The following SLC44A5 variants were observed in gnomAD, a reference collection of about 807,000 sequenced individuals.
SLC44A5 encodes the protein solute carrier family 44 member 5.
Under a neutral mutation model 101.8 loss-of-function variants are expected in SLC44A5, and 57 were observed. The observed-to-expected ratio is 0.56, with a 90% confidence interval of 0.45 to 0.70. The LOEUF (loss-of-function observed/expected upper bound fraction) is 0.70, where lower values mean the gene tolerates loss of function less well. Ranked by LOEUF, SLC44A5 falls within the 30% of genes least tolerant of loss-of-function variation. The pLI, the probability that SLC44A5 is intolerant of heterozygous loss-of-function variation, is 0.00. For missense variants in SLC44A5, 737 were observed against 853.1 expected (o/e 0.86, Z 1.70); for synonymous variants, 281 against 290.9 (o/e 0.97, Z 0.35).
intron 2 of SLC44A5, among the ~76,000 whole-genome samples, chr1:75,461,225 C>T (rs1458125623): frequency 1.3e-5 from 2 of 152,130 alleles, no homozygotes; most frequent in African/African-American, 4.8e-5. Flanking sequence ...AAATTAATTC[C>T]ACAGATAATC....
At chr1:75,626,697 C>T in the SLC44A5 span, among the ~76,000 whole-genome samples, 5 of 152,084 alleles carry the variant, frequency 3.3e-5, no homozygotes, top group African/African-American at 4.8e-5. Context: ...GTTCTAGCAA[C>T]GCCACTTTTA....
intron 5 of SLC44A5, among the ~76,000 whole-genome samples, chr1:75,297,294 T>C (rs1031085003): frequency 6.6e-6 from 1 of 152,238 alleles, no homozygotes. Flanking sequence ...TATTTACTTA[T>C]TTATTTTTGA....
chr1:75,545,319 C>G (rs891566463), intron 1 of SLC44A5, among the ~76,000 whole-genome samples: 1 of 152,060 alleles, frequency 6.6e-6, no homozygotes, highest in Non-Finnish European at 1.5e-5. Flanking sequence ...AATAAACATA[C>G]GTGTTCATGT....
chr1:75,336,258 C>T (rs547362441), intron 4 of SLC44A5, among the ~76,000 whole-genome samples: 9 of 151,952 alleles, frequency 5.9e-5, no homozygotes, highest in Non-Finnish European at 1.2e-4. Flanking sequence ...TGGGTTCAAG[C>T]GATTCTCCTG....
At chr1:75,444,345 G>A in intron 2 of SLC44A5, among the ~76,000 whole-genome samples, 1 of 116,392 alleles carries the variant, frequency 8.6e-6, no homozygotes, top group African/African-American at 3.0e-5. Context: ...AAGAAGGAGG[G>A]AAGGAAGGAA....
In SLC44A5 at chr1:75,219,278, TTCATGTATACAATGCCCCCC is replaced by T; in HGVS notation, c.1225_1244del (p.Gly409LysfsTer5). On this transcript the variant is annotated frameshift_variant, in exon 16 of 24. Coordinates refer to ENST00000370859, the MANE Select transcript of SLC44A5 (RefSeq NM_001130058.2). LOFTEE classifies it high-confidence loss of function. ...TTACCTCTGGGTCACAGGTTTGATTTTCATGTATACAATGCCCCCCTGGAGCTATGACTTTGTATACAGGT... is the reference window on the plus strand; with the variant it reads ...TTACCTCTGGGTCACAGGTTTGATTTTGGAGCTATGACTTTGTATACAGGT... 1 of 1,612,632 alleles carries T rather than the reference TTCATGTATACAATGCCCCCC, an allele frequency of 6.2e-7. No homozygotes were observed. Among genetic ancestry groups the T allele is most frequent in the Non-Finnish European group, 8.5e-7 (1 of 1,178,808 alleles).
chr1:75,543,413 A>C (rs211741), intron 1 of SLC44A5, among the ~76,000 whole-genome samples: 144,274 of 151,750 alleles, frequency 0.95, 68,621 homozygotes, highest in East Asian at 0.98. Flanking sequence ...CCGCAAAAAT[A>C]TCTGAGTTGT....
intron 1 of SLC44A5, among the ~76,000 whole-genome samples, chr1:75,586,907 A>AT (rs34309545): frequency 0.65 from 97,453 of 150,466 alleles, 32,550 homozygotes; most frequent in East Asian, 0.83. Context: ...AAGTTTTGTG[A>AT]TTTTTTTTTT....
At chr1:75,451,337 T>C (rs1665897457) in intron 2 of SLC44A5, among the ~76,000 whole-genome samples, 1 of 152,146 alleles carries the variant, frequency 6.6e-6, no homozygotes, top group East Asian at 1.9e-4. Context: ...TTCTTACCTA[T>C]AAGCACAATC....
chr1:75,711,828 C>A, the SLC44A5 span, among the ~76,000 whole-genome samples: 1 of 152,226 alleles, frequency 6.6e-6, no homozygotes, highest in African/African-American at 2.4e-5. Context: ...GACTTCTTAT[C>A]TTTGCTACTT....
chr1:75,633,435 T>C, the SLC44A5 span, among the ~76,000 whole-genome samples: 25 of 152,174 alleles, frequency 1.6e-4, no homozygotes, highest in African/African-American at 4.8e-4. Context: ...AGGTCCTTCA[T>C]GTCCCTTGTA....
intron 5 of SLC44A5, among the ~76,000 whole-genome samples, chr1:75,284,764 G>T (rs956907202): frequency 1.3e-5 from 2 of 151,996 alleles, no homozygotes; most frequent in Non-Finnish European, 2.9e-5. Flanking sequence ...CTATTGAGAT[G>T]ATCATACAAT....
chr1:75,447,442 A>C (rs1482716443), intron 2 of SLC44A5, among the ~76,000 whole-genome samples: 1 of 152,214 alleles, frequency 6.6e-6, no homozygotes, highest in African/African-American at 2.4e-5. Context: ...TGGATAAATA[A>C]TATAGAAAGT....
the SLC44A5 span, among the ~76,000 whole-genome samples, chr1:75,683,756 TAACAAATAAATA>T: frequency 2.0e-5 from 3 of 150,090 alleles, no homozygotes; most frequent in South Asian, 2.1e-4. Flanking sequence ...TAAAGTATAA[TAACAAATAAATA>T]AATAAATAAA....
At position 75,222,424 on chromosome 1, in the gene SLC44A5, A is replaced by C; in HGVS notation, c.1022T>G (p.Leu341Arg). 6.2e-7 allele frequency: 1 copy of C among 1,613,574 alleles called. No individual in the cohort carries two copies. Among genetic ancestry groups the C allele is most frequent in the Non-Finnish European group, 8.5e-7 (1 of 1,179,802 alleles). The change falls in exon 14 of 24, where the codon CTC becomes CGC. Residue 341 changes from leucine to arginine, a missense_variant. By Grantham distance (102) the Leu-to-Arg change is moderately radical. Transcript: ENST00000370859. Reference protein sequence around the residue: ...ILCIIEVIVILMLIFLRNRIR... With the variant: ...ILCIIEVIVIRMLIFLRNRIR... The stretch of plus-strand genomic sequence containing the variant: ...TCGATTCCTGAGGAAGATCAGCATG[A>C]GGATGACAATCACTTCAATGATGCA...
At chr1:75,504,592 CCTTTT>C (rs1669145038) in intron 2 of SLC44A5, among the ~76,000 whole-genome samples, 2 of 151,920 alleles carry the variant, frequency 1.3e-5, no homozygotes. Flanking sequence ...TAGATATATA[CCTTTT>C]CTTTTCTTTT....
chr1:75,479,301 A>T (rs757018199), intron 2 of SLC44A5, among the ~76,000 whole-genome samples: 10 of 152,260 alleles, frequency 6.6e-5, no homozygotes, highest in Non-Finnish European at 1.2e-4. Context: ...AGAAAGCAGG[A>T]AAGATCTAAA....
chr1:75,715,632 T>C, the SLC44A5 span, among the ~76,000 whole-genome samples: 4 of 152,160 alleles, frequency 2.6e-5, no homozygotes, highest in East Asian at 3.8e-4. Context: ...TTATATCATA[T>C]ACAAAAATTA....
At chr1:75,399,124 G>A (rs749351367) in intron 2 of SLC44A5, among the ~76,000 whole-genome samples, 1 of 151,858 alleles carries the variant, frequency 6.6e-6, no homozygotes, top group Non-Finnish European at 1.5e-5. Context: ...AGCAATGAGT[G>A]GAACGCATTG....
Sources: gnomAD v4.1 joint callset for allele counts (sites outside exome capture counted in the v4.1 genomes callset) on GRCh38, gnomAD v4.1.1 for gene constraint, MANE v1.5 for transcripts, NCBI Gene and HGNC (gene_info 2026-07-23, HGNC 2026-07-21) for gene names.